WNT7B: variants seen among roughly 807,000 people sequenced by gnomAD.
WNT7B encodes the protein protein Wnt-7b.
A neutral mutation model predicts 38.2 loss-of-function variants in WNT7B; 19 were observed. The observed-to-expected ratio is 0.50, with a 90% CI of 0.35 to 0.73. The LOEUF (loss-of-function observed/expected upper bound fraction) is 0.73. WNT7B is among the 30% of genes least tolerant of loss of function. WNT7B has a pLI of 0.01. For missense variants in WNT7B, 423 were observed against 507.9 expected (o/e 0.83, Z 1.61); for synonymous variants, 243 against 209.3 (o/e 1.16, Z -1.39).
At chr22:45,927,711 C>T (rs561471405) in intron 3 of WNT7B, 153 of 677,722 alleles carry the variant, frequency 2.3e-4, no homozygotes, top group Non-Finnish European at 3.9e-4. Context: ...GCCTGGGCAA[C>T]ATGGTGAAGC....
intron 1 of WNT7B, among the ~76,000 whole-genome samples, chr22:45,957,470 G>A (rs1932092926): frequency 2.0e-5 from 3 of 151,802 alleles, no homozygotes; most frequent in African/African-American, 4.8e-5. Flanking sequence ...GGTCACCTAA[G>A]GTCAGGAGTT....
At chr22:45,953,812 G>C (rs560812974) in intron 1 of WNT7B, among the ~76,000 whole-genome samples, 1 of 152,052 alleles carries the variant, frequency 6.6e-6, no homozygotes, top group Admixed American at 6.5e-5. Flanking sequence ...ACACATTGAC[G>C]ATAGGAGCGG....
chr22:45,939,346 T>C (rs539819346), intron 2 of WNT7B, among the ~76,000 whole-genome samples: 1 of 152,210 alleles, frequency 6.6e-6, no homozygotes, highest in Non-Finnish European at 1.5e-5. Flanking sequence ...GAAGTATTCA[T>C]AGCATCCTTA....
At chr22:45,967,431 C>T (rs1932337126) in intron 1 of WNT7B, among the ~76,000 whole-genome samples, 1 of 98,818 alleles carries the variant, frequency 1.0e-5, no homozygotes, top group African/African-American at 4.0e-5. Context: ...TGGGCTCCCA[C>T]TGCATGTGGG....
At chr22:45,929,028 A>ACTCTC (rs1931195741) in intron 3 of WNT7B, among the ~76,000 whole-genome samples, 3 of 151,704 alleles carry the variant, frequency 2.0e-5, no homozygotes, top group Non-Finnish European at 4.4e-5. Flanking sequence ...TCTGAGCCTC[A>ACTCTC]CTCTCCTTAT....
At chr22:45,972,371 C>A (rs1003980652) in intron 1 of WNT7B, 40 of 333,054 alleles carry the variant, frequency 1.2e-4, no homozygotes, top group African/African-American at 8.5e-4. Flanking sequence ...GTCTCGTGGG[C>A]CCGGGCGCAG....
chr22:45,972,116 G>GGGGGGGGGGGGCCCCCCCCCCCCCCCC, intron 1 of WNT7B: 1 of 530,746 alleles, frequency 1.9e-6, no homozygotes, highest in Non-Finnish European at 3.3e-6. Flanking sequence ...CCCGGGGGGA[G>GGGGGGGGGGGGCCCCCCCCCCCCCCCC]CCCACCCGCC....
intron 1 of WNT7B, among the ~76,000 whole-genome samples, chr22:45,973,574 G>A (rs965014663): frequency 3.3e-5 from 5 of 152,194 alleles, no homozygotes; most frequent in African/African-American, 1.2e-4. Context: ...GAACTGCAGC[G>A]ACTCCAGTTC....
At chr22:45,935,383 G>C (rs570132183) in intron 2 of WNT7B, among the ~76,000 whole-genome samples, 44 of 152,340 alleles carry the variant, frequency 2.9e-4, no homozygotes, top group African/African-American at 1.0e-3. Flanking sequence ...TGGCCTGCCT[G>C]CAGGTTGGGC....
intron 3 of WNT7B, chr22:45,927,112 T>C (rs931402334): frequency 1.0e-6 from 1 of 984,532 alleles, no homozygotes; most frequent in Non-Finnish European, 1.2e-6. Flanking sequence ...TTGCCTTCAC[T>C]GGGTTGGTCT....
At chr22:45,933,082 C>G (rs1201802273) in intron 2 of WNT7B, among the ~76,000 whole-genome samples, 1 of 152,150 alleles carries the variant, frequency 6.6e-6, no homozygotes, top group East Asian at 1.9e-4. Flanking sequence ...GGGGGTCCCT[C>G]TTCCCCTAGG....
intron 2 of WNT7B, among the ~76,000 whole-genome samples, chr22:45,936,989 T>C (rs1931529873): frequency 6.6e-6 from 1 of 152,184 alleles, no homozygotes; most frequent in South Asian, 2.1e-4. Flanking sequence ...GGTGCACTTT[T>C]GTTAGAAAGC....
intron 3 of WNT7B, among the ~76,000 whole-genome samples, chr22:45,929,019 C>G (rs916280487): frequency 3.9e-5 from 6 of 152,098 alleles, no homozygotes; most frequent in African/African-American, 7.3e-5. Context: ...GCTGCTCACT[C>G]TGAGCCTCAC....
chr22:45,940,520 G>A (rs1178853356), intron 2 of WNT7B, among the ~76,000 whole-genome samples: 2 of 152,246 alleles, frequency 1.3e-5, no homozygotes, highest in Non-Finnish European at 2.9e-5. Flanking sequence ...CTGGCACCAA[G>A]TACAGCCTCC....
At position 45,951,638 on chromosome 22, in the gene WNT7B, TTGTG is replaced by T. The variant is rs1407221602; in HGVS notation, c.72-1496_72-1493del. Reference sequence around the variant, plus strand: ...TGTTTCCTATGGATGGAACCATTCATTGTGTGACCTTTGGCGTCTGGCTTCTTTC... The same window carrying T: ...TGTTTCCTATGGATGGAACCATTCATTGACCTTTGGCGTCTGGCTTCTTTC... On this transcript the variant is annotated intron_variant, in intron 1 of 3. Transcript: ENST00000339464. This position sits in a 1 kb window ranked among gnomAD's most constrained non-coding sequence, Gnocchi z 4.8. Among the ~76,000 whole-genome samples the T allele has an allele frequency of 5.9e-5, 9 of 152,166 alleles. No individual in the cohort carries two copies. The highest frequency in any genetic ancestry group is 7.3e-5 in the Non-Finnish European group (5 of 68,042).
intron 3 of WNT7B, among the ~76,000 whole-genome samples, chr22:45,930,622 C>A (rs541915982): frequency 1.3e-5 from 2 of 152,200 alleles, no homozygotes; most frequent in Non-Finnish European, 2.9e-5. Flanking sequence ...CAGCAGCCCC[C>A]GGCTCACAGC....
chr22:45,971,312 A>G (rs1453717651), intron 1 of WNT7B, among the ~76,000 whole-genome samples: 1 of 152,162 alleles, frequency 6.6e-6, no homozygotes, highest in East Asian at 1.9e-4. Flanking sequence ...TCCAGCTTAA[A>G]TTCCCCCAAA....
At chr22:45,974,403 C>T (rs960585399) in intron 1 of WNT7B, among the ~76,000 whole-genome samples, 5 of 152,322 alleles carry the variant, frequency 3.3e-5, no homozygotes, top group East Asian at 1.9e-4. Flanking sequence ...TACCGCTGCG[C>T]GTAGCCAAGA....
chr22:45,950,210 C>A, intron 1 of WNT7B, 64 bp from the exon 2 acceptor site: 3 of 1,390,432 alleles, frequency 2.2e-6, no homozygotes, highest in Non-Finnish European at 3.0e-6. Context: ...TCACCCCCAA[C>A]ACCTTTCCCC....
Sources: allele counts gnomAD v4.1 joint callset (sites outside exome capture counted in the v4.1 genomes callset), GRCh38; gene constraint gnomAD v4.1.1; non-coding constraint Gnocchi (gnomAD v3.1); transcripts MANE v1.5; gene names NCBI Gene and HGNC (gene_info 2026-07-23, HGNC 2026-07-21).